Variants in DAB1 observed in about 807,000 individuals in gnomAD.
DAB1 encodes disabled homolog 1.
DAB1 carries 15 observed loss-of-function variants against 64.6 expected under a neutral mutation model. The ratio of observed to expected loss-of-function variants is 0.23; its 90% CI spans 0.16 to 0.36. The LOEUF is 0.36. Ranked by LOEUF, DAB1 falls within the 10% of genes least tolerant of loss-of-function variation. The pLI, the probability that DAB1 is intolerant of heterozygous loss-of-function variation, is 1.00. For synonymous variants in DAB1, 235 were observed against 251.9 expected (o/e 0.93, Z 0.64); for missense variants, 596 against 706.7 (o/e 0.84, Z 1.78).
intron 4 of DAB1, among the ~76,000 whole-genome samples, chr1:58,262,794 G>C (rs1003514847): frequency 3.9e-5 from 6 of 152,074 alleles, no homozygotes; most frequent in African/African-American, 1.2e-4. Context: ...ATAAAATATA[G>C]ACAGAAGTAA....
intron 2 of DAB1, among the ~76,000 whole-genome samples, chr1:57,230,693 T>C (rs200187363): frequency 1.4e-5 from 2 of 147,886 alleles, no homozygotes; most frequent in East Asian, 2.0e-4. Context: ...ATATATATAA[T>C]GTGTAATGAT....
chr1:57,818,297 C>T (rs1651961533), intron 6 of DAB1, among the ~76,000 whole-genome samples: 1 of 152,130 alleles, frequency 6.6e-6, no homozygotes, highest in Non-Finnish European at 1.5e-5. Flanking sequence ...TGCATTCCTC[C>T]ACTGCCAAGT....
At chr1:57,923,816 C>T (rs1320243246) in intron 5 of DAB1, among the ~76,000 whole-genome samples, 1 of 152,164 alleles carries the variant, frequency 6.6e-6, no homozygotes, top group East Asian at 1.9e-4. Context: ...ATAAATGCCT[C>T]CTGAACATGA....
intron 2 of DAB1, among the ~76,000 whole-genome samples, chr1:57,208,510 C>T (rs1447638311): frequency 6.6e-6 from 1 of 152,232 alleles, no homozygotes; most frequent in Non-Finnish European, 1.5e-5. Flanking sequence ...GCTTACTCCT[C>T]CTTATTCTTC....
intron 7 of DAB1, among the ~76,000 whole-genome samples, chr1:57,431,337 C>T (rs1325439011): frequency 2.6e-5 from 4 of 152,170 alleles, no homozygotes; most frequent in Admixed American, 2.6e-4. Context: ...AACACACACA[C>T]ACACAACAGA....
chr1:57,960,296 G>A (rs1645487392), intron 5 of DAB1, among the ~76,000 whole-genome samples: 1 of 152,120 alleles, frequency 6.6e-6, no homozygotes, highest in Admixed American at 6.5e-5. Flanking sequence ...ATGTTTCACT[G>A]TCTGAGCCCA....
intron 2 of DAB1, among the ~76,000 whole-genome samples, chr1:57,170,135 T>C (rs1006380105): frequency 2.0e-5 from 3 of 152,018 alleles, no homozygotes; most frequent in African/African-American, 7.2e-5. Context: ...TAGCTGGGCT[T>C]ACAGGTGCAT....
At chr1:58,506,421 A>C (rs1645991494) in intron 2 of DAB1, among the ~76,000 whole-genome samples, 1 of 152,176 alleles carries the variant, frequency 6.6e-6, no homozygotes, top group Non-Finnish European at 1.5e-5. Flanking sequence ...ATATCTCCTA[A>C]CAACTTTATG....
chr1:57,250,589 ACT>A (rs1669260607), intron 2 of DAB1, among the ~76,000 whole-genome samples: 1 of 152,136 alleles, frequency 6.6e-6, no homozygotes, highest in African/African-American at 2.4e-5. Flanking sequence ...AAATAAATTA[ACT>A]CTAGCAAATC....
chr1:58,446,081 CT>C (rs1357725109), intron 3 of DAB1, among the ~76,000 whole-genome samples: 1 of 152,196 alleles, frequency 6.6e-6, no homozygotes, highest in African/African-American at 2.4e-5. Context: ...CTGGTTACCC[CT>C]AACCATCTAT....
intron 2 of DAB1, among the ~76,000 whole-genome samples, chr1:57,283,153 A>G (rs1161856067): frequency 6.6e-6 from 1 of 152,230 alleles, no homozygotes. Context: ...TGTAAGAGTT[A>G]GGCTTATTAG....
At chr1:57,509,347 A>G (rs1196704243) in intron 7 of DAB1, among the ~76,000 whole-genome samples, 1 of 152,170 alleles carries the variant, frequency 6.6e-6, no homozygotes, top group Non-Finnish European at 1.5e-5. Flanking sequence ...ATGATGTCAA[A>G]GAACCATGCT....
At chr1:58,343,367 C>A (rs936435516) in exon 4 of DAB1, 2 of 151,908 alleles carry the variant, frequency 1.3e-5, no homozygotes, top group Admixed American at 6.6e-5. Context: ...TGAAATGGAG[C>A]AGAATGGTTT....
chr1:58,535,595 C>CAAA (rs11315198), intron 1 of DAB1, among the ~76,000 whole-genome samples: 11 of 95,532 alleles, frequency 1.2e-4, no homozygotes, highest in African/African-American at 1.6e-4. Flanking sequence ...GTCTCTGTCT[C>CAAA]AAAAAAAAAA....
intron 6 of DAB1, among the ~76,000 whole-genome samples, chr1:57,666,378 G>C (rs910719923): frequency 1.1e-4 from 17 of 152,102 alleles, no homozygotes; most frequent in African/African-American, 4.1e-4. Context: ...ACAACAAATT[G>C]GGGCCAAATG....
intron 3 of DAB1, among the ~76,000 whole-genome samples, chr1:58,491,056 C>CA (rs748285227): frequency 8.6e-5 from 13 of 151,952 alleles, no homozygotes; most frequent in Non-Finnish European, 1.6e-4. Flanking sequence ...ATCCACCCAC[C>CA]ACAGCCTCCC....
chr1:58,206,766 T>C (rs961752948), intron 4 of DAB1, among the ~76,000 whole-genome samples: 4 of 152,230 alleles, frequency 2.6e-5, no homozygotes, highest in African/African-American at 7.2e-5. Context: ...TGGTTAGTAG[T>C]TGTGAAAGAC....
At chr1:58,442,450 C>T (rs1012962220) in intron 3 of DAB1, among the ~76,000 whole-genome samples, 1 of 138,432 alleles carries the variant, frequency 7.2e-6, no homozygotes, top group South Asian at 2.2e-4. Flanking sequence ...CACATCCACA[C>T]GTAAAACTCC....
intron 1 of DAB1, among the ~76,000 whole-genome samples, chr1:57,343,867 C>T (rs1241393404): frequency 1.3e-5 from 2 of 152,238 alleles, no homozygotes; most frequent in South Asian, 2.1e-4. Flanking sequence ...AGTGCATCAG[C>T]GGGCTGAAGG....
Sources: allele counts gnomAD v4.1 joint callset (sites outside exome capture counted in the v4.1 genomes callset), GRCh38; gene constraint gnomAD v4.1.1; transcripts MANE v1.5; gene names NCBI Gene and HGNC (gene_info 2026-07-23, HGNC 2026-07-21).